The following THSD7B variants were observed in gnomAD, a reference collection of about 807,000 sequenced individuals.
THSD7B encodes the protein thrombospondin type 1 domain containing 7B.
THSD7B carries 138 observed loss-of-function variants against 213.6 expected under a neutral mutation model. The observed-to-expected ratio is 0.65, with a 90% CI of 0.56 to 0.74. The LOEUF (loss-of-function observed/expected upper bound fraction) is 0.74, where lower values mean the gene tolerates loss of function less well. THSD7B is among the 30% of genes least tolerant of loss of function. The pLI, the probability that THSD7B is intolerant of heterozygous loss-of-function variation, is 0.00. For synonymous variants in THSD7B, 742 were observed against 687.0 expected, an observed-to-expected ratio of 1.08 and a Z score of -1.25; for missense variants, 1,931 against 1,991.5, an observed-to-expected ratio of 0.97 and a Z score of 0.58.
At chr2:137,491,891 G>A (rs530083792) in intron 15 of THSD7B, among the ~76,000 whole-genome samples, 2 of 152,194 alleles carry the variant, frequency 1.3e-5, no homozygotes, top group African/African-American at 2.4e-5. Context: ...TCTAGTATTC[G>A]ATATGTCATG....
chr2:137,555,435 C>T (rs986117403), intron 15 of THSD7B, among the ~76,000 whole-genome samples: 6 of 152,170 alleles, frequency 3.9e-5, no homozygotes, highest in Non-Finnish European at 8.8e-5. Context: ...GCAAACAGGG[C>T]CTGGAGTGGA....
chr2:137,085,504 A>G (rs369397970), intron 3 of THSD7B, among the ~76,000 whole-genome samples: 1 of 152,296 alleles, frequency 6.6e-6, no homozygotes. Flanking sequence ...AATAATTAAG[A>G]AATGAACATT....
rs201891046 is a variant in THSD7B at position 137,500,609 on chromosome 2, A to AC, written c.3138+49586_3138+49587insC. Among the ~76,000 whole-genome samples the AC allele has an allele frequency of 4.4e-3, 664 of 152,336 alleles. 7 individuals carry two copies. Among genetic ancestry groups the AC allele is most frequent in the African/African-American group, 0.016 (646 of 41,584 alleles). ...CCTGACAGTCATTTAACGCTCTGTG[A>AC]AGCTATCTTTTAAATCGTAAAATGA... On this transcript the variant is annotated intron_variant, in intron 15 of 27. Coordinates refer to ENST00000409968, the MANE Select transcript of THSD7B (RefSeq NM_001316349.2).
At chr2:137,132,371 T>A (rs1049653810) in intron 5 of THSD7B, among the ~76,000 whole-genome samples, 5 of 150,768 alleles carry the variant, frequency 3.3e-5, no homozygotes, top group Non-Finnish European at 5.9e-5. Flanking sequence ...GTATTCAATT[T>A]TTTTTTTTTT....
At chr2:137,364,768 A>G (rs922114183) in intron 12 of THSD7B, among the ~76,000 whole-genome samples, 2 of 152,216 alleles carry the variant, frequency 1.3e-5, no homozygotes, top group Admixed American at 6.5e-5. Context: ...AAAACATTCC[A>G]TGCTCATGGA....
intron 27 of THSD7B, among the ~76,000 whole-genome samples, chr2:137,673,875 G>T (rs962039890): frequency 6.6e-6 from 1 of 152,142 alleles, no homozygotes; most frequent in Admixed American, 6.5e-5. Context: ...GCAATTGGGA[G>T]GTTGCACAAT....
At chr2:137,535,448 A>G (rs1307589776) in intron 15 of THSD7B, among the ~76,000 whole-genome samples, 1 of 151,822 alleles carries the variant, frequency 6.6e-6, no homozygotes, top group Non-Finnish European at 1.5e-5. Context: ...ATTTAAGTGC[A>G]ATGACCACGT....
intron 1 of THSD7B, among the ~76,000 whole-genome samples, chr2:136,800,171 T>C (rs1229869193): frequency 1.3e-5 from 2 of 152,076 alleles, no homozygotes; most frequent in Non-Finnish European, 2.9e-5. Context: ...AATTAGATTC[T>C]ATAATCATTT....
chr2:136,841,327 G>A (rs1682915491), intron 1 of THSD7B, among the ~76,000 whole-genome samples: 1 of 152,090 alleles, frequency 6.6e-6, no homozygotes. Context: ...CGGGCGCAGT[G>A]GCTCATGACG....
chr2:137,132,306 T>A (rs991727606), intron 5 of THSD7B, among the ~76,000 whole-genome samples: 1 of 151,734 alleles, frequency 6.6e-6, no homozygotes, highest in Non-Finnish European at 1.5e-5. Context: ...TTTCTAGATA[T>A]ACAATCATGT....
intron 5 of THSD7B, among the ~76,000 whole-genome samples, chr2:137,132,060 C>T (rs1688742985): frequency 1.3e-5 from 2 of 148,960 alleles, no homozygotes; most frequent in East Asian, 1.9e-4. Context: ...TTTCATTGAG[C>T]AGTGGTTTGT....
At position 137,508,829 on chromosome 2, in the gene THSD7B, A is replaced by T. The variant is rs536216545; in HGVS notation, c.3139-54392A>T. On this transcript the variant is annotated intron_variant, in intron 15 of 27. Transcript: ENST00000409968. ...TTTATAGAAAATACCCTGTGCCTAG[A>T]ATCGTCCAGGGCCAGCAGTGTGGTC... is the stretch of plus-strand genomic sequence containing the variant. 7.9e-5 allele frequency among the ~76,000 whole-genome samples: 12 copies of T among 152,186 alleles called. No individual in the cohort carries two copies. The East Asian group carries it at 2.3e-3, about 29-fold the overall frequency.
At chr2:137,638,527 A>G (rs924112958) in intron 20 of THSD7B, among the ~76,000 whole-genome samples, 2 of 152,226 alleles carry the variant, frequency 1.3e-5, no homozygotes, top group African/African-American at 2.4e-5. Context: ...ACAGATTAAT[A>G]GAGTAAATTG....
chr2:137,461,643 T>G (rs1687888053), intron 15 of THSD7B, among the ~76,000 whole-genome samples: 1 of 152,142 alleles, frequency 6.6e-6, no homozygotes, highest in Admixed American at 6.6e-5. Context: ...TTCTACCTCA[T>G]AAGTCTGATA....
chr2:137,402,585 G>C (rs1283346805), intron 12 of THSD7B, among the ~76,000 whole-genome samples: 3 of 152,026 alleles, frequency 2.0e-5, no homozygotes, highest in African/African-American at 7.2e-5. Context: ...GGGAGGTCGA[G>C]GTGGGCAGAT....
chr2:137,641,781 T>C (rs921655466), intron 20 of THSD7B, among the ~76,000 whole-genome samples: 11 of 152,226 alleles, frequency 7.2e-5, no homozygotes, highest in African/African-American at 2.4e-4. Flanking sequence ...GAGACTAGTA[T>C]TTGAACATAT....
intron 27 of THSD7B, among the ~76,000 whole-genome samples, chr2:137,674,127 A>G (rs1361283294): frequency 6.6e-6 from 1 of 152,132 alleles, no homozygotes; most frequent in Non-Finnish European, 1.5e-5. Context: ...CTTTATAGAG[A>G]TATGACCACC....
At chr2:137,066,519 A>T (rs1687385234) in intron 3 of THSD7B, among the ~76,000 whole-genome samples, 2 of 152,026 alleles carry the variant, frequency 1.3e-5, no homozygotes, top group African/African-American at 2.4e-5. Flanking sequence ...ATAGCACATG[A>T]TCTTGCTTGC....
At chr2:136,776,028 G>A (rs1270115975) in intron 1 of THSD7B, among the ~76,000 whole-genome samples, 2 of 152,096 alleles carry the variant, frequency 1.3e-5, no homozygotes, top group African/African-American at 2.4e-5. Flanking sequence ...ATGTACTATG[G>A]TTGGCCCAGT....
Sources: gnomAD v4.1 joint callset for allele counts (sites outside exome capture counted in the v4.1 genomes callset) on GRCh38, gnomAD v4.1.1 for gene constraint, MANE v1.5 for transcripts, NCBI Gene and HGNC (gene_info 2026-07-23, HGNC 2026-07-21) for gene names.